The following ABCA8 variants were observed in gnomAD, a reference collection of about 807,000 sequenced individuals.
ABCA8 encodes ATP binding cassette subfamily A member 8, also known as ABC-type organic anion transporter ABCA8.
ABCA8 carries 177 observed loss-of-function variants against 192.3 expected under a neutral mutation model. The ratio of observed to expected loss-of-function variants is 0.92; its 90% CI spans 0.81 to 1.04. The LOEUF is 1.04. Among genes scored for constraint, ABCA8 ranks in the 50% least tolerant of loss-of-function variants. The probability of loss-of-function intolerance (pLI) is 0.00; values close to 1 mark genes in which losing one functional copy is unlikely to be tolerated. For synonymous variants in ABCA8, 642 were observed against 690.2 expected (o/e 0.93, Z 1.09); for missense variants, 1,915 against 1,904.8 (o/e 1.01, Z -0.10).
At chr17:68,903,635 A>C (rs986307056) in intron 19 of ABCA8, 136 bp from the exon 20 acceptor site, 9 of 689,414 alleles carry the variant, frequency 1.3e-5, no homozygotes, top group African/African-American at 3.6e-5. Context: ...ACTGCCTTAA[A>C]ATACAGAAAT....
chr17:68,875,328 G>C lies in ABCA8; in HGVS notation c.4563C>G (p.Asn1521Lys), dbSNP rs1245244420. ...KDYLLEMKVKNLAQVEPLHAE... is the reference protein window; with the variant it reads ...KDYLLEMKVKKLAQVEPLHAE... ...CATGGAGGGGCTCCACTTGTGCCAGGTTCTTCACCTTCATCTCCAGCAGGT... is the reference window on the plus strand; with the variant it reads ...CATGGAGGGGCTCCACTTGTGCCAGCTTCTTCACCTTCATCTCCAGCAGGT... The change falls in exon 37 of 40, where the codon AAC becomes AAG. Residue 1521 changes from asparagine to lysine, a missense_variant. Transcript: ENST00000586539. The C allele has an allele frequency of 1.2e-6, 2 of 1,614,014 alleles. No homozygotes were observed. Among genetic ancestry groups the C allele is most frequent in the Non-Finnish European group, 1.7e-6 (2 of 1,180,026 alleles).
Position 68,919,483 on chromosome 17 carries a change from C to G in ABCA8, c.1613-7G>C. ...TTATAGATGGTGACTGAACCTGTAACAAAGGAAAAGTTAATATCAAGATAA... is the reference window on the plus strand; with the variant it reads ...TTATAGATGGTGACTGAACCTGTAAGAAAGGAAAAGTTAATATCAAGATAA... On this transcript the variant is annotated splice_region_variant and splice_polypyrimidine_tract_variant and intron_variant, in intron 13 of 39. Transcript: ENST00000586539. 6.2e-7 allele frequency: 1 copy of G among 1,607,562 alleles called. No homozygotes were observed. Among genetic ancestry groups the G allele is most frequent in the South Asian group, 1.1e-5 (1 of 90,012 alleles).
At chr17:68,898,177 T>C (rs1315484469) in intron 21 of ABCA8, among the ~76,000 whole-genome samples, 3 of 152,032 alleles carry the variant, frequency 2.0e-5, no homozygotes, top group Non-Finnish European at 4.4e-5. Flanking sequence ...AAATGACATA[T>C]TCAAAGTACT....
intron 10 of ABCA8, among the ~76,000 whole-genome samples, chr17:68,925,986 A>C (rs997274822): frequency 1.3e-5 from 2 of 152,230 alleles, no homozygotes; most frequent in Non-Finnish European, 2.9e-5. Context: ...ATAAAATACT[A>C]TGCTTTTGAA....
At chr17:68,921,056 T>C (rs2067519053) in intron 13 of ABCA8, among the ~76,000 whole-genome samples, 2 of 152,152 alleles carry the variant, frequency 1.3e-5, no homozygotes, top group Non-Finnish European at 2.9e-5. Context: ...TGTAGGGACA[T>C]GGATGAAGCT....
chr17:68,918,607 A>G (rs2067449170), intron 14 of ABCA8, 61 bp from the exon 15 acceptor site: 2 of 1,417,146 alleles, frequency 1.4e-6, no homozygotes, highest in African/African-American at 2.9e-5. Context: ...AAAAATTTAT[A>G]AATACAAGGC....
intron 27 of ABCA8, 61 bp downstream of exon 27, chr17:68,885,135 G>A (rs2143319079): frequency 6.5e-7 from 1 of 1,540,196 alleles, no homozygotes; most frequent in Admixed American, 2.0e-5. Context: ...TCAACATTGG[G>A]CAAAGCTTCA....
chr17:68,929,563 A>C lies in ABCA8; in HGVS notation c.937T>G (p.Leu313Val), dbSNP rs777722932. 7.9e-5 allele frequency: 127 copies of C among 1,610,868 alleles called. No homozygotes were observed. The Admixed American group carries it at 2.1e-3, about 26-fold the overall frequency. The change falls in exon 8 of 40, where the codon TTG becomes GTG. Residue 313 changes from leucine (L) to valine (V), a missense_variant and splice_region_variant. By Grantham distance (32) the Leu-to-Val change is conservative (BLOSUM62 1). Transcript: ENST00000586539. The part of the protein sequence containing the change: ...FSLFLLYGLS[L>V]VALAFLMSIL... ...AGATATTTAATTCACTAACTCACCA[A>C]AGATAATCCATACAGGAGAAAGAGG...
At chr17:68,907,180 T>C (rs948555936) in intron 18 of ABCA8, among the ~76,000 whole-genome samples, 3 of 152,138 alleles carry the variant, frequency 2.0e-5, no homozygotes, top group Non-Finnish European at 4.4e-5. Flanking sequence ...TTCTAAGGAA[T>C]GCTTGTGTTG....
rs2067117065 is a variant in ABCA8 at position 68,907,811 on chromosome 17, G to A, written c.2207C>T (p.Ala736Val). Residue 736 changes from alanine to valine, a missense_variant, in exon 18 of 40, where the codon GCC becomes GTC. Transcript: ENST00000586539. ...TSLVKQHIPD[A>V]KLSAKSEGKL... ...TCCTTCGCTTTTGGCTGATAATTTGGCATCAGGGATGTGCTGTTTAACAAG... is the reference window on the plus strand; with the variant it reads ...TCCTTCGCTTTTGGCTGATAATTTGACATCAGGGATGTGCTGTTTAACAAG... 6.2e-7 allele frequency: 1 copy of A among 1,607,954 alleles called. No homozygotes were observed. Among genetic ancestry groups the A allele is most frequent in the Admixed American group, 1.7e-5 (1 of 59,442 alleles).
chr17:68,895,109 G>A, intron 21 of ABCA8, 96 bp from the exon 22 acceptor site: 1 of 1,027,348 alleles, frequency 9.7e-7, no homozygotes, highest in Non-Finnish European at 1.4e-6. Context: ...ATGTGAAGCA[G>A]TAATATGGAC....
At chr17:68,898,393 G>C (rs900927908) in intron 21 of ABCA8, among the ~76,000 whole-genome samples, 1 of 151,986 alleles carries the variant, frequency 6.6e-6, no homozygotes, top group African/African-American at 2.4e-5. Context: ...AAATGATGAA[G>C]GTAGAATAGA....
Position 68,868,171 on chromosome 17 carries a change from G to A in ABCA8, c.4780C>T (p.Leu1594Phe). Residue 1594 changes from leucine to phenylalanine, a missense_variant, in exon 40 of 40, where the codon CTC (leucine) becomes TTC (phenylalanine). Physicochemically the swap from Leu to Phe is conservative, Grantham distance 22 (BLOSUM62 0). Coordinates refer to ENST00000586539, the MANE Select transcript of ABCA8 (RefSeq NM_001288985.2). ...TCACCCAGCTCCTGCTCCTTGGAGA[G>A]CTCCAGGAAAACCTGAAAGGGAGGA... is the stretch of plus-strand genomic sequence containing the variant. Reference protein sequence around the residue: ...QSTLEQVFLELSKEQELGDFE... With the variant: ...QSTLEQVFLEFSKEQELGDFE... 1 of 1,612,944 alleles carries A rather than the reference G, an allele frequency of 6.2e-7. No individual in the cohort carries two copies. The highest frequency in any genetic ancestry group is 8.5e-7 in the Non-Finnish European group (1 of 1,179,442).
intron 21 of ABCA8, among the ~76,000 whole-genome samples, chr17:68,901,505 C>T (rs796206949): frequency 6.6e-6 from 1 of 152,204 alleles, no homozygotes; most frequent in South Asian, 2.1e-4. Context: ...AAACTGGAAT[C>T]CTCAAAAATT....
rs556062673 is a variant in ABCA8, at chr17:68,931,062, A to G, written c.797+1226T>C. 2.0e-5 allele frequency among the ~76,000 whole-genome samples: 3 copies of G among 152,250 alleles called. No homozygotes were observed. The South Asian group carries it at 6.2e-4, about 32-fold the overall frequency. On this transcript the variant is annotated intron_variant, in intron 7 of 39. Coordinates refer to ENST00000586539, the MANE Select transcript of ABCA8 (RefSeq NM_001288985.2). ...GCCAGCTCATTCCCTCAGGCACACC[A>G]AGCATGTTCCTCAGTCTCAAAGGAG...
intron 21 of ABCA8, among the ~76,000 whole-genome samples, chr17:68,895,783 A>AAT (rs1486119925): frequency 1.3e-5 from 2 of 152,200 alleles, no homozygotes; most frequent in African/African-American, 4.8e-5. Context: ...GCAGAAGATC[A>AAT]ATACCAGGCA....
intron 7 of ABCA8, 150 bp downstream of exon 7, chr17:68,932,138 A>C (rs990321793): frequency 3.5e-6 from 2 of 563,822 alleles, no homozygotes; most frequent in Non-Finnish European, 6.2e-6. Flanking sequence ...TGAACCTGTG[A>C]GGCGGAGCTT....
chr17:68,894,303 C>T lies in ABCA8; in HGVS notation c.2906G>A (p.Ser969Asn), dbSNP rs371975356. 143 of 1,606,008 alleles carry T rather than the reference C, an allele frequency of 8.9e-5. No individual in the cohort carries two copies. Among genetic ancestry groups the T allele is most frequent in the Non-Finnish European group, 1.2e-4 (137 of 1,177,668 alleles). Residue 969 changes from serine (S) to asparagine (N), a missense_variant, in exon 23 of 40, where the codon AGC becomes AAC. Transcript: ENST00000586539. ...ITVCCNEKNYSFSLACNAKRL... is the reference protein window; with the variant it reads ...ITVCCNEKNYNFSLACNAKRL... ...TTTGGCATTGCATGCTAACGAAAAG[C>T]TGTAATTCTAAAATATAACAAGTAG...
At chr17:68,917,113 C>CA (rs1175478805) in intron 17 of ABCA8, among the ~76,000 whole-genome samples, 1 of 152,032 alleles carries the variant, frequency 6.6e-6, no homozygotes, top group Non-Finnish European at 1.5e-5. Context: ...ACCAAAAACA[C>CA]AAAAAAACTT....
Sources: gnomAD v4.1 joint callset for allele counts (sites outside exome capture counted in the v4.1 genomes callset) on GRCh38, gnomAD v4.1.1 for gene constraint, MANE v1.5 for transcripts, NCBI Gene and HGNC (gene_info 2026-07-23, HGNC 2026-07-21) for gene names.